PCDH17: variants seen among roughly 807,000 people sequenced by gnomAD.
PCDH17 encodes the protein protocadherin-17.
Under a neutral mutation model 67.7 loss-of-function variants are expected in PCDH17, and 21 were observed. The ratio of observed to expected loss-of-function variants is 0.31; its 90% CI spans 0.22 to 0.45. PCDH17 has a LOEUF of 0.45. Among genes scored for constraint, PCDH17 ranks in the 20% least tolerant of loss-of-function variants. PCDH17 has a pLI of 1.00. For synonymous variants in PCDH17, 701 were observed against 656.7 expected (o/e 1.07, Z -1.03); for missense variants, 1,471 against 1,564.8 (o/e 0.94, Z 1.01).
intron 3 of PCDH17, among the ~76,000 whole-genome samples, chr13:57,705,723 A>G (rs1955714970): frequency 6.6e-6 from 1 of 152,128 alleles, no homozygotes; most frequent in Non-Finnish European, 1.5e-5. Flanking sequence ...TTTAAAAAAT[A>G]AGCAAAAATA....
At chr13:57,645,239 T>C (rs1954950898) in intron 1 of PCDH17, among the ~76,000 whole-genome samples, 1 of 151,692 alleles carries the variant, frequency 6.6e-6, no homozygotes, top group African/African-American at 2.4e-5. Context: ...CTCAAAGCAG[T>C]CTAGATAGTA....
At position 57,656,628 on chromosome 13, in the gene PCDH17, ATTC is replaced by A. The variant is rs1383813823; in HGVS notation, c.2566-9837_2566-9835del. Among the ~76,000 whole-genome samples, 11 of 152,294 alleles carry A rather than the reference ATTC, an allele frequency of 7.2e-5. No homozygotes were observed. In the East Asian group the frequency reaches 2.1e-3, roughly 29 times the overall value. On this transcript the variant is annotated intron_variant, in intron 1 of 3. Coordinates refer to ENST00000377918, the MANE Select transcript of PCDH17 (RefSeq NM_001040429.3). ...TCTTTCAGTGGGAAAAGTCTTCAGT[ATTC>A]TTAACAGAGATGGAAAAAGAGCACG...
At chr13:57,722,194 C>G (rs975628947) in intron 3 of PCDH17, among the ~76,000 whole-genome samples, 1 of 152,100 alleles carries the variant, frequency 6.6e-6, no homozygotes, top group African/African-American at 2.4e-5. Flanking sequence ...AATTCAAGGT[C>G]GATTTACACT....
intron 3 of PCDH17, 43 bp downstream of exon 3, chr13:57,666,876 C>T (rs1171966695): frequency 2.0e-6 from 3 of 1,492,000 alleles, no homozygotes; most frequent in Non-Finnish European, 2.7e-6. Context: ...AAAGCTTAAG[C>T]AGTCATTATA....
intron 1 of PCDH17, among the ~76,000 whole-genome samples, chr13:57,663,687 A>C (rs1384284945): frequency 6.6e-6 from 1 of 152,182 alleles, no homozygotes; most frequent in Admixed American, 6.5e-5. Context: ...TTAATCAATG[A>C]GTTCAGACAT....
At chr13:57,718,951 TCTTGG>T (rs1466082144) in intron 3 of PCDH17, among the ~76,000 whole-genome samples, 1 of 151,932 alleles carries the variant, frequency 6.6e-6, no homozygotes, top group African/African-American at 2.4e-5. Context: ...CAGCCAAAGG[TCTTGG>T]CTTGGCTTGG....
At chr13:57,650,665 C>A (rs903889268) in intron 1 of PCDH17, among the ~76,000 whole-genome samples, 2 of 152,034 alleles carry the variant, frequency 1.3e-5, no homozygotes, top group East Asian at 1.9e-4. Flanking sequence ...AAGAAAAATT[C>A]TTATATATTG....
intron 1 of PCDH17, among the ~76,000 whole-genome samples, chr13:57,641,517 CG>C (rs1479327049): frequency 1.6e-5 from 2 of 127,596 alleles, no homozygotes; most frequent in Non-Finnish European, 3.2e-5. Context: ...CAAGTTCTTC[CG>C]GGGATAGACT....
Position 57,727,474 on chromosome 13 carries a change from A to G in PCDH17, c.*2180A>G, listed in dbSNP as rs920675830. ...ACTGAAAATATTTCCGCCAAATGCC[A>G]TCAATATTTTAGACTGTACCTCGTT... On this transcript the variant is annotated 3_prime_UTR_variant, in exon 4 of 4. Coordinates refer to ENST00000377918, the MANE Select transcript of PCDH17 (RefSeq NM_001040429.3). 1.3e-5 allele frequency: 2 copies of G among 152,216 alleles called. No homozygotes were observed. The highest frequency in any genetic ancestry group is 2.9e-5 in the Non-Finnish European group (2 of 68,016). The allele number at this position is 152,216 out of a possible 1,614,324, so 9.4% of individuals were successfully genotyped here. A position where few individuals can be genotyped will look rare whatever the true frequency, so the allele number is the denominator to read the frequency against.
rs905954311 is a variant in PCDH17 at position 57,713,741 on chromosome 13, G to A, written c.2798-10871G>A. Among the ~76,000 whole-genome samples, 4 of 151,510 alleles carry A rather than the reference G, an allele frequency of 2.6e-5. No homozygotes were observed. In the Admixed American group the frequency reaches 2.6e-4, roughly 10 times the overall value. On this transcript the variant is annotated intron_variant, in intron 3 of 3. Coordinates refer to ENST00000377918, the MANE Select transcript of PCDH17 (RefSeq NM_001040429.3). ...TCTGTGTGTGTGCATGCATGCACAT[G>A]TACGCGTATGCATGAACACATTGAG...
At chr13:57,660,406 A>C (rs1223418780) in intron 1 of PCDH17, among the ~76,000 whole-genome samples, 1 of 152,180 alleles carries the variant, frequency 6.6e-6, no homozygotes, top group African/African-American at 2.4e-5. Flanking sequence ...TTAAAAGACA[A>C]GTTCAGAAAC....
chr13:57,724,505 A>G lies in PCDH17; in HGVS notation c.2798-107A>G, dbSNP rs1037131888. ...TATTGTTTTCTTTTCCTTTTTAATT[A>G]AGAGACCAGAGGTCAAGCAAGCCCA... On this transcript the variant is annotated intron_variant, in intron 3 of 3. Transcript: ENST00000377918. The G allele has an allele frequency of 2.8e-5, 22 of 799,436 alleles. No individual in the cohort carries two copies. The African/African-American group carries it at 3.8e-4, about 14-fold the overall frequency. The allele number at this position is 799,436 out of a possible 1,614,324, so 49.5% of individuals were successfully genotyped here. A position where few individuals can be genotyped will look rare whatever the true frequency, so the allele number is the denominator to read the frequency against.
intron 3 of PCDH17, among the ~76,000 whole-genome samples, chr13:57,688,506 T>C (rs1251019793): frequency 1.3e-5 from 2 of 152,078 alleles, no homozygotes; most frequent in Non-Finnish European, 2.9e-5. Context: ...AAAGCCAATC[T>C]TTCTCCTTAA....
chr13:57,678,080 C>T (rs1955412408), intron 3 of PCDH17, among the ~76,000 whole-genome samples: 1 of 151,598 alleles, frequency 6.6e-6, no homozygotes, highest in East Asian at 1.9e-4. Context: ...ATAATAATAA[C>T]TATGTGAAGC....
At chr13:57,663,141 ACC>A in intron 1 of PCDH17, among the ~76,000 whole-genome samples, 1 of 152,208 alleles carries the variant, frequency 6.6e-6, no homozygotes, top group African/African-American at 2.4e-5. Context: ...TTATGTAGCT[ACC>A]CACCAATTGT....
chr13:57,725,292 T>TAA lies in PCDH17; in HGVS notation c.3478_3479insAA (p.Ter1160=). 1 of 1,518,004 alleles carries TAA rather than the reference T, an allele frequency of 6.6e-7. No individual in the cohort carries two copies. The highest frequency in any genetic ancestry group is 8.7e-7 in the Non-Finnish European group (1 of 1,142,914). The allele number at this position is 1,518,004 out of a possible 1,614,324, so 94.0% of individuals were successfully genotyped here. Residue 1160 remains the stop codon, a frameshift_variant and stop_retained_variant, in exon 4 of 4, where the codon TGA becomes TAAGA. Transcript: ENST00000377918. LOFTEE classifies it high-confidence loss of function. Reference sequence around the variant, plus strand: ...AAACGACCCTGTGGCTGTGAGAAAGTGAAAAAAGAAAAAAAAAAAGGCATT... The same window carrying TAA: ...AAACGACCCTGTGGCTGTGAGAAAGTAAGAAAAAAGAAAAAAAAAAAGGCATT... ...RGNDPVAVRK[*] is the part of the protein sequence containing the mutation.
intron 1 of PCDH17, among the ~76,000 whole-genome samples, chr13:57,646,442 A>C (rs369664132): frequency 6.6e-6 from 1 of 151,644 alleles, no homozygotes; most frequent in African/African-American, 2.4e-5. Flanking sequence ...TATGGGGTAC[A>C]TGTGAAGTTG....
At chr13:57,671,702 G>T (rs1045646588) in intron 3 of PCDH17, among the ~76,000 whole-genome samples, 25 of 152,046 alleles carry the variant, frequency 1.6e-4, no homozygotes, top group Admixed American at 1.4e-3. Flanking sequence ...GCTCCTTAAT[G>T]ATGGCTAAGT....
intron 3 of PCDH17, among the ~76,000 whole-genome samples, chr13:57,705,087 G>T (rs2138080960): frequency 6.6e-6 from 1 of 151,920 alleles, no homozygotes; most frequent in South Asian, 2.1e-4. Context: ...GAAATAGAAT[G>T]CCTTAGAGAG....
Sources: gnomAD v4.1 joint callset for allele counts (sites outside exome capture counted in the v4.1 genomes callset) on GRCh38, gnomAD v4.1.1 for gene constraint, MANE v1.5 for transcripts, NCBI Gene and HGNC (gene_info 2026-07-23, HGNC 2026-07-21) for gene names.